UNC5D: variants seen among roughly 807,000 people sequenced by gnomAD.
UNC5D encodes netrin receptor UNC5D.
A neutral mutation model predicts 105.4 loss-of-function variants in UNC5D; 39 were observed. That is an observed-to-expected ratio of 0.37 (90% confidence interval 0.29 to 0.48). The LOEUF (loss-of-function observed/expected upper bound fraction) is 0.48. UNC5D is among the 20% of genes least tolerant of loss of function. UNC5D has a pLI of 0.98. For synonymous variants in UNC5D, 452 were observed against 450.4 expected (o/e 1.00, Z -0.04); for missense variants, 991 against 1,202.4 (o/e 0.82, Z 2.60).
chr8:35,569,433 A>G (rs2579900), intron 3 of UNC5D, among the ~76,000 whole-genome samples: 3,866 of 152,320 alleles, frequency 0.025, 74 homozygotes, highest in Non-Finnish European at 0.041. Flanking sequence ...TAATAATAGG[A>G]GTGAATTGCT....
rs1476650300 is a variant in UNC5D at position 35,281,038 on chromosome 8, C to T, written c.103+45151C>T. 2.0e-5 allele frequency among the ~76,000 whole-genome samples: 3 copies of T among 152,180 alleles called. No individual in the cohort carries two copies. The East Asian group carries it at 5.8e-4, about 29-fold the overall frequency. On this transcript the variant is annotated intron_variant, in intron 1 of 16. Coordinates refer to ENST00000404895, the MANE Select transcript of UNC5D (RefSeq NM_080872.4). ...ACTCTGGGCACAAAGCCTTCTTTTTCTGTTCCCGTTGCCGGAACTCACTCA... is the reference window on the plus strand; with the variant it reads ...ACTCTGGGCACAAAGCCTTCTTTTTTTGTTCCCGTTGCCGGAACTCACTCA...
chr8:35,591,881 C>T (rs1282908324), intron 3 of UNC5D, among the ~76,000 whole-genome samples: 1 of 152,198 alleles, frequency 6.6e-6, no homozygotes, highest in Non-Finnish European at 1.5e-5. Flanking sequence ...ACCAACACAG[C>T]AATCTTCGAT....
At chr8:35,325,255 G>T (rs1157200050) in intron 1 of UNC5D, among the ~76,000 whole-genome samples, 1 of 152,088 alleles carries the variant, frequency 6.6e-6, no homozygotes, top group East Asian at 1.9e-4. Context: ...AAGACACTAG[G>T]CATTAGGGAT....
chr8:35,494,735 G>A (rs1054845553), intron 1 of UNC5D, among the ~76,000 whole-genome samples: 2 of 152,094 alleles, frequency 1.3e-5, no homozygotes, highest in Non-Finnish European at 2.9e-5. Context: ...TCTGACAGTC[G>A]CCATCTATAA....
At chr8:35,728,863 A>G (rs1219574814) in intron 10 of UNC5D, among the ~76,000 whole-genome samples, 1 of 152,176 alleles carries the variant, frequency 6.6e-6, no homozygotes, top group Non-Finnish European at 1.5e-5. Flanking sequence ...ATGGGGTATT[A>G]TATTTTTCTT....
rs551172502 is a variant in UNC5D at position 35,421,281 on chromosome 8, G to T, written c.104-128011G>T. Among the ~76,000 whole-genome samples the T allele has an allele frequency of 8.5e-5, 13 of 152,308 alleles. No homozygotes were observed. In the South Asian group the frequency reaches 2.7e-3, roughly 32 times the overall value. On this transcript the variant is annotated intron_variant, in intron 1 of 16. Transcript: ENST00000404895. ...TGGCATGGGCTGAGGTACAGGCTTT[G>T]TGCTAGGTAACTTGCCCCTACTTGG...
chr8:35,726,476 G>A lies in UNC5D; in HGVS notation c.1628G>A (p.Arg543Lys). ...TCACTCCCCACAAGGACAGAACTGA[G>A]GACAACTGGTGTCTTTGGCCATTTA... is the stretch of plus-strand genomic sequence containing the variant. The part of the protein sequence containing the change: ...LSSLPTRTEL[R>K]TTGVFGHLGG... The change falls in exon 10 of 17, where the codon AGG becomes AAG. Residue 543 changes from arginine (R) to lysine (K), a missense_variant. By Grantham distance (26) the Arg-to-Lys change is conservative (BLOSUM62 2). Around this residue, in one of 3 missense-constraint regions of UNC5D, gnomAD observed 944 missense variants for 1,131.6 expected, o/e 0.83. Transcript: ENST00000404895. 6.2e-7 allele frequency: 1 copy of A among 1,614,024 alleles called. No homozygotes were observed. The highest frequency in any genetic ancestry group is 8.5e-7 in the Non-Finnish European group (1 of 1,180,000).
At chr8:35,438,088 GA>G in intron 1 of UNC5D, among the ~76,000 whole-genome samples, 1 of 150,892 alleles carries the variant, frequency 6.6e-6, no homozygotes. Flanking sequence ...GTCCATTTTG[GA>G]AAAGGCAAAA....
intron 1 of UNC5D, among the ~76,000 whole-genome samples, chr8:35,353,488 ATTAT>A (rs1357846726): frequency 6.6e-6 from 1 of 152,198 alleles, no homozygotes; most frequent in African/African-American, 2.4e-5. Context: ...ATTGACAGTG[ATTAT>A]TTAAACTATG....
chr8:35,398,281 T>C (rs114587801), intron 1 of UNC5D, among the ~76,000 whole-genome samples: 2,677 of 152,276 alleles, frequency 0.018, 94 homozygotes, highest in African/African-American at 0.061. Flanking sequence ...TTGACCTCCT[T>C]CTTTTAAATG....
At chr8:35,631,886 T>G (rs952110091) in intron 4 of UNC5D, among the ~76,000 whole-genome samples, 3 of 152,222 alleles carry the variant, frequency 2.0e-5, no homozygotes, top group South Asian at 2.1e-4. Context: ...TTGACTTACT[T>G]GTCTTATTAT....
intron 1 of UNC5D, among the ~76,000 whole-genome samples, chr8:35,335,068 A>G (rs1395740355): frequency 6.6e-6 from 1 of 151,904 alleles, no homozygotes; most frequent in Non-Finnish European, 1.5e-5. Flanking sequence ...TTTTGTCAAA[A>G]TTTTTTCACT....
chr8:35,472,703 T>C (rs1341663841), intron 1 of UNC5D, among the ~76,000 whole-genome samples: 1 of 152,172 alleles, frequency 6.6e-6, no homozygotes, highest in Non-Finnish European at 1.5e-5. Flanking sequence ...GAACGGAGAA[T>C]CCTGTTGAAG....
At chr8:35,352,094 C>T (rs555658577) in intron 1 of UNC5D, among the ~76,000 whole-genome samples, 73 of 151,708 alleles carry the variant, frequency 4.8e-4, no homozygotes, top group East Asian at 4.5e-3. Context: ...TTGGTATTTA[C>T]GAAAATTAAA....
intron 1 of UNC5D, among the ~76,000 whole-genome samples, chr8:35,457,979 T>G (rs745945519): frequency 1.6e-4 from 24 of 152,122 alleles, no homozygotes; most frequent in Middle Eastern, 3.2e-3. Flanking sequence ...TCTTCAAAGT[T>G]GAGGTAAAGC....
chr8:35,421,673 C>T (rs1025893609), intron 1 of UNC5D, among the ~76,000 whole-genome samples: 1 of 152,012 alleles, frequency 6.6e-6, no homozygotes, highest in Non-Finnish European at 1.5e-5. Flanking sequence ...GATATCTACA[C>T]ATATGTATAT....
chr8:35,386,093 A>G (rs553140340), intron 1 of UNC5D, among the ~76,000 whole-genome samples: 94 of 152,310 alleles, frequency 6.2e-4, no homozygotes, highest in Admixed American at 1.1e-3. Flanking sequence ...AAACGCCAAC[A>G]TTCATGCTTA....
At chr8:35,407,260 A>G (rs946592768) in intron 1 of UNC5D, among the ~76,000 whole-genome samples, 6 of 152,120 alleles carry the variant, frequency 3.9e-5, no homozygotes, top group African/African-American at 1.4e-4. Context: ...ATGTTTGCAC[A>G]ATGTTGAACT....
intron 1 of UNC5D, among the ~76,000 whole-genome samples, chr8:35,334,766 G>A (rs748878156): frequency 1.8e-4 from 28 of 152,030 alleles, no homozygotes; most frequent in Non-Finnish European, 3.4e-4. Flanking sequence ...CACCCACCTC[G>A]GCCTCCCAAA....
Sources: gnomAD v4.1 joint callset for allele counts (sites outside exome capture counted in the v4.1 genomes callset) on GRCh38, gnomAD v4.1.1 for gene constraint, gnomAD v4.1.1 regional missense constraint, MANE v1.5 for transcripts, NCBI Gene and HGNC (gene_info 2026-07-23, HGNC 2026-07-21) for gene names.